DAGLA: variants seen among roughly 807,000 people sequenced by gnomAD.
DAGLA encodes the protein diacylglycerol lipase-alpha.
Under a neutral mutation model 102.6 loss-of-function variants are expected in DAGLA, and 22 were observed. The ratio of observed to expected loss-of-function variants is 0.21; its 90% confidence interval spans 0.15 to 0.31. The LOEUF (loss-of-function observed/expected upper bound fraction) is 0.31. Among genes scored for constraint, DAGLA ranks in the 10% least tolerant of loss-of-function variants. The pLI is 1.00. For missense variants in DAGLA, 927 were observed against 1,446.6 expected (o/e 0.64, Z 5.83); for synonymous variants, 578 against 628.9 (o/e 0.92, Z 1.21).
In DAGLA at chr11:61,717,468, G is replaced by A. The variant is rs546377542; in HGVS notation, c.-44-2644G>A. ...GCAAGGGGTTCCTTGCACTCCCTCC[G>A]CCTCGCCCGCCCCAGCTAAGACAGC... is the stretch of plus-strand genomic sequence containing the variant. On this transcript the variant is annotated intron_variant, in intron 1 of 19. Transcript: ENST00000257215. 3.3e-5 allele frequency among the ~76,000 whole-genome samples: 5 copies of A among 152,156 alleles called. No homozygotes were observed. The East Asian group carries it at 5.8e-4, about 18-fold the overall frequency.
intron 1 of DAGLA, among the ~76,000 whole-genome samples, chr11:61,716,151 CA>C (rs1045940141): frequency 9.2e-5 from 14 of 152,080 alleles, no homozygotes; most frequent in African/African-American, 3.4e-4. Context: ...CCAGGCACTG[CA>C]GCTGGCACCC....
chr11:61,713,058 C>T (rs925467433), intron 1 of DAGLA, among the ~76,000 whole-genome samples: 1 of 152,156 alleles, frequency 6.6e-6, no homozygotes, highest in African/African-American at 2.4e-5. Context: ...TTTCTAGTGC[C>T]TTGCTCTCTC....
intron 1 of DAGLA, among the ~76,000 whole-genome samples, chr11:61,697,479 T>C (rs976750244): frequency 7.2e-5 from 11 of 152,176 alleles, no homozygotes; most frequent in Admixed American, 5.9e-4. Context: ...CAGCCATTCC[T>C]GCGCAGGAGC....
chr11:61,728,954 C>A lies in DAGLA; in HGVS notation c.795C>A (p.Phe265Leu). The change falls in exon 8 of 20, where the codon TTC becomes TTA. Residue 265 changes from phenylalanine (F) to leucine (L), a missense_variant. Phe to Leu is a conservative substitution (Grantham distance 22). Coordinates refer to ENST00000257215, the MANE Select transcript of DAGLA (RefSeq NM_006133.3). ...LDEANNDILA[F>L]LSGMPVTRNT... is the part of the protein sequence containing the mutation. ...AGGCAAACAATGACATCTTGGCCTT[C>A]CTGTCTGGGATGCCGGTGACCAGAA... 1 of 1,614,236 alleles carries A rather than the reference C, an allele frequency of 6.2e-7. No individual in the cohort carries two copies. The highest frequency in any genetic ancestry group is 8.5e-7 in the Non-Finnish European group (1 of 1,180,030).
intron 1 of DAGLA, among the ~76,000 whole-genome samples, chr11:61,702,310 A>T (rs762094773): frequency 1.3e-5 from 2 of 152,112 alleles, no homozygotes; most frequent in African/African-American, 4.8e-5. Context: ...AAAAGTGGGG[A>T]TCATCAAAGC....
intron 1 of DAGLA, among the ~76,000 whole-genome samples, chr11:61,711,023 G>A (rs1047426974): frequency 6.6e-6 from 1 of 152,180 alleles, no homozygotes; most frequent in African/African-American, 2.4e-5. Flanking sequence ...GGCAGGCCTC[G>A]GTCAGCTCAT....
intron 6 of DAGLA, among the ~76,000 whole-genome samples, chr11:61,727,653 C>T (rs2065340322): frequency 6.6e-6 from 1 of 152,224 alleles, no homozygotes; most frequent in African/African-American, 2.4e-5. Flanking sequence ...GTCACTGAGC[C>T]AGCAGCCTGT....
intron 1 of DAGLA, among the ~76,000 whole-genome samples, chr11:61,700,419 C>G (rs986915609): frequency 1.3e-5 from 2 of 151,928 alleles, no homozygotes; most frequent in South Asian, 2.1e-4. Flanking sequence ...TGAACTTGGA[C>G]TTCTCCAGCC....
chr11:61,716,818 G>A (rs1237344796), intron 1 of DAGLA, among the ~76,000 whole-genome samples: 1 of 152,200 alleles, frequency 6.6e-6, no homozygotes, highest in East Asian at 1.9e-4. Flanking sequence ...ACTTAGTCCA[G>A]GGGCCTGAAT....
chr11:61,713,220 T>C (rs2065208775), intron 1 of DAGLA, among the ~76,000 whole-genome samples: 1 of 152,174 alleles, frequency 6.6e-6, no homozygotes, highest in East Asian at 1.9e-4. Flanking sequence ...TAGAGCCAGC[T>C]TTTGAGTTCA....
rs1350687760 is a variant in DAGLA at position 61,723,508 on chromosome 11, C to T, written c.484C>T (p.Arg162Cys). 4 of 1,614,136 alleles carry T rather than the reference C, an allele frequency of 2.5e-6. No individual in the cohort carries two copies. Among genetic ancestry groups the T allele is most frequent in the East Asian group, 2.2e-5 (1 of 44,888 alleles). The change falls in exon 5 of 20, where the codon CGC becomes TGC. Residue 162 changes from arginine to cysteine, a missense_variant. Around this residue, in one of 4 missense-constraint regions of DAGLA, gnomAD observed 231 missense variants for 439.8 expected, o/e 0.53. Coordinates refer to ENST00000257215, the MANE Select transcript of DAGLA (RefSeq NM_006133.3). The part of the protein sequence containing the change: ...TVLCVFDPTG[R>C]TFVKLRATKR... ...CCTCTGCGTCTTCGACCCCACGGGC[C>T]GCACCTTTGTCAAGCTGAGAGCCAC...
chr11:61,701,277 T>G (rs1283464727), intron 1 of DAGLA, among the ~76,000 whole-genome samples: 2 of 152,226 alleles, frequency 1.3e-5, no homozygotes, highest in Non-Finnish European at 2.9e-5. Context: ...ATCTCATGTG[T>G]CCTACCAAGG....
intron 1 of DAGLA, among the ~76,000 whole-genome samples, chr11:61,695,593 G>T (rs903741998): frequency 6.6e-6 from 1 of 152,218 alleles, no homozygotes; most frequent in Non-Finnish European, 1.5e-5. Context: ...CGAGTTTGTG[G>T]GGACCTGGCC....
At chr11:61,691,580 G>A (rs773240393) in intron 1 of DAGLA, among the ~76,000 whole-genome samples, 5 of 152,224 alleles carry the variant, frequency 3.3e-5, no homozygotes, top group Admixed American at 6.5e-5. Flanking sequence ...CTCTGTGCCC[G>A]CAGACAGAGT....
chr11:61,691,870 ATCAGGGAATAATTGGCCTC>A, intron 1 of DAGLA, among the ~76,000 whole-genome samples: 2 of 152,182 alleles, frequency 1.3e-5, no homozygotes, highest in African/African-American at 2.4e-5. Flanking sequence ...CACCTGTAAA[ATCAGGGAATAATTGGCCTC>A]TGAGGAGTGT....
Position 61,725,999 on chromosome 11 carries a change from C to A in DAGLA, c.553C>A (p.Arg185Ser). The A allele has an allele frequency of 6.2e-7, 1 of 1,613,610 alleles. No homozygotes were observed. The highest frequency in any genetic ancestry group is 1.1e-5 in the South Asian group (1 of 91,086). The change falls in exon 6 of 20, where the codon CGC (arginine) becomes AGC (serine). Residue 185 changes from arginine to serine, a missense_variant. Arg to Ser is a moderately radical substitution (Grantham distance 110). This residue lies in a region of DAGLA where 231 missense variants were observed against 439.8 expected (regional missense o/e 0.53). Coordinates refer to ENST00000257215, the MANE Select transcript of DAGLA (RefSeq NM_006133.3). The part of the protein sequence containing the change: ...RNLRTYNLRH[R>S]LEEGQATSWS... ...ACCGCCTCTCCTGCTTTGCAGGCAC[C>A]GCTTAGAGGAGGGTCAAGCCACCAG...
rs1478716976 is a variant in DAGLA at position 61,684,480 on chromosome 11, G to A, written c.-45+3976G>A. 1.3e-5 allele frequency among the ~76,000 whole-genome samples: 2 copies of A among 152,150 alleles called. No homozygotes were observed. The highest frequency in any genetic ancestry group is 2.1e-4 in the South Asian group (1 of 4,826). On this transcript the variant is annotated intron_variant, in intron 1 of 19. Transcript: ENST00000257215. The surrounding 1 kb of genome is among the most constrained non-coding windows in gnomAD (Gnocchi z 4.5). Reference sequence around the variant, plus strand: ...GGGAAGCGTGAGTGTGGGTGTGGACGTGGGTTGTGTGTGTGGGCAGGAAAG... The same window carrying A: ...GGGAAGCGTGAGTGTGGGTGTGGACATGGGTTGTGTGTGTGGGCAGGAAAG...
intron 1 of DAGLA, among the ~76,000 whole-genome samples, chr11:61,705,899 A>G (rs2065145327): frequency 6.6e-6 from 1 of 152,160 alleles, no homozygotes; most frequent in African/African-American, 2.4e-5. Context: ...AGCCCTGGCC[A>G]TCTGTGGGTG....
intron 1 of DAGLA, among the ~76,000 whole-genome samples, chr11:61,688,314 CAA>C (rs1186217122): frequency 0.037 from 2,703 of 73,294 alleles, 64 homozygotes; most frequent in African/African-American, 0.12. Flanking sequence ...AACTCTGTCT[CAA>C]AAAAAAAAAA....
Sources: allele counts gnomAD v4.1 joint callset (sites outside exome capture counted in the v4.1 genomes callset), GRCh38; gene constraint gnomAD v4.1.1; regional missense constraint gnomAD v4.1.1; non-coding constraint Gnocchi (gnomAD v3.1); transcripts MANE v1.5; gene names NCBI Gene and HGNC (gene_info 2026-07-23, HGNC 2026-07-21).